Variants in XPO1 observed in about 807,000 individuals in gnomAD.
XPO1 encodes exportin-1.
XPO1 carries 5 observed loss-of-function variants against 133.3 expected under a neutral mutation model. The ratio of observed to expected loss-of-function variants is 0.04; its 90% CI spans 0.02 to 0.08. The LOEUF (loss-of-function observed/expected upper bound fraction) is 0.08. Ranked by LOEUF, XPO1 falls within the 10% of genes least tolerant of loss-of-function variation. The probability of loss-of-function intolerance (pLI) is 1.00; values close to 1 mark genes in which losing one functional copy is unlikely to be tolerated. For synonymous variants in XPO1, 419 were observed against 408.2 expected (o/e 1.03, Z -0.32); for missense variants, 506 against 1,267.5 (o/e 0.40, Z 9.12).
chr2:61,513,843 T>C (rs1379299294), intron 4 of XPO1, among the ~76,000 whole-genome samples: 2 of 152,046 alleles, frequency 1.3e-5, no homozygotes, highest in Non-Finnish European at 2.9e-5. Flanking sequence ...CTGACTAGAA[T>C]ACAAAGAGCC....
At chr2:61,500,000 A>G in intron 6 of XPO1, 106 bp from the exon 7 acceptor site, 3 of 1,138,414 alleles carry the variant, frequency 2.6e-6, no homozygotes, top group Non-Finnish European at 3.7e-6. Flanking sequence ...AGGATAAATC[A>G]CTTTTCATTT....
chr2:61,513,065 T>C (rs1375819749), intron 4 of XPO1, among the ~76,000 whole-genome samples: 1 of 152,042 alleles, frequency 6.6e-6, no homozygotes, highest in Non-Finnish European at 1.5e-5. Flanking sequence ...ATGAATCACA[T>C]GATGCTTTTT....
intron 16 of XPO1, among the ~76,000 whole-genome samples, chr2:61,491,404 T>C (rs137937845): frequency 0.011 from 1,630 of 149,628 alleles, 35 homozygotes; most frequent in African/African-American, 0.038. Flanking sequence ...TGAGCCGAGA[T>C]TGCGCCACTG....
At chr2:61,491,842 G>C (rs1697015104) in intron 16 of XPO1, among the ~76,000 whole-genome samples, 193 bp downstream of exon 16, 1 of 152,184 alleles carries the variant, frequency 6.6e-6, no homozygotes, top group South Asian at 2.1e-4. Flanking sequence ...CAAGGCTGCA[G>C]TGAGCCGTAA....
intron 5 of XPO1, 100 bp from the exon 6 acceptor site, chr2:61,502,140 C>A: frequency 6.7e-7 from 1 of 1,499,680 alleles, no homozygotes; most frequent in South Asian, 1.2e-5. Flanking sequence ...CTGTAAATGA[C>A]TGACTGTGCA....
chr2:61,515,031 TGCACTCCA>T (rs1213407096), intron 4 of XPO1, among the ~76,000 whole-genome samples: 20 of 145,946 alleles, frequency 1.4e-4, no homozygotes, highest in Non-Finnish European at 2.5e-4. Context: ...ATCATGACAC[TGCACTCCA>T]GCCTGGGCGA....
chr2:61,493,005 C>T lies in XPO1; in HGVS notation c.1294G>A (p.Val432Ile), dbSNP rs775254893. Residue 432 changes from valine to isoleucine, a missense_variant, in exon 13 of 25, where the codon GTT becomes ATT. Val to Ile is a conservative substitution (Grantham distance 29). This residue lies in a region of XPO1 where 21 missense variants were observed against 198.1 expected (regional missense o/e 0.11). Coordinates refer to ENST00000401558, the MANE Select transcript of XPO1 (RefSeq NM_003400.4). ...SRMAKPEEVL[V>I]VENDQGEVVR... is the part of the protein sequence containing the mutation. ...ACTTCTCCTTGATCATTCTCTACAA[C>T]CAATACTTCCTCTGGTTTAGCCATT... The T allele has an allele frequency of 6.2e-6, 10 of 1,611,552 alleles. No individual in the cohort carries two copies. The highest frequency in any genetic ancestry group is 1.7e-5 in the Admixed American group (1 of 59,516).
chr2:61,500,826 G>A (rs1223784940), intron 6 of XPO1, among the ~76,000 whole-genome samples: 1 of 152,074 alleles, frequency 6.6e-6, no homozygotes, highest in Non-Finnish European at 1.5e-5. Context: ...ATTATCCTAG[G>A]AGACTCAAGG....
chr2:61,505,193 T>C (rs934377769), intron 4 of XPO1, among the ~76,000 whole-genome samples: 9 of 152,048 alleles, frequency 5.9e-5, no homozygotes, highest in Non-Finnish European at 1.0e-4. Context: ...CCTGGTCTCA[T>C]TGTTGCTGGG....
intron 23 of XPO1, among the ~76,000 whole-genome samples, chr2:61,481,536 G>A (rs1018145080): frequency 4.6e-5 from 7 of 151,872 alleles, no homozygotes; most frequent in African/African-American, 1.5e-4. Context: ...GCGGCTCACC[G>A]CAACCTCTGA....
At chr2:61,512,206 G>A (rs1026282958) in intron 4 of XPO1, among the ~76,000 whole-genome samples, 1 of 152,178 alleles carries the variant, frequency 6.6e-6, no homozygotes, top group Non-Finnish European at 1.5e-5. Context: ...GATTTCTCAT[G>A]AATTTGTTTT....
chr2:61,525,514 C>T, intron 3 of XPO1: 2 of 1,010,710 alleles, frequency 2.0e-6, no homozygotes, highest in Non-Finnish European at 2.4e-6. Context: ...TTCTGTTCCT[C>T]TAATCATCTC....
chr2:61,514,464 A>G (rs955436751), intron 4 of XPO1, among the ~76,000 whole-genome samples: 1 of 151,808 alleles, frequency 6.6e-6, no homozygotes, highest in Non-Finnish European at 1.5e-5. Flanking sequence ...GTGGTGGCAC[A>G]TGCCTGTAGT....
chr2:61,531,040 C>T (rs1286639121), intron 2 of XPO1, among the ~76,000 whole-genome samples: 1 of 152,146 alleles, frequency 6.6e-6, no homozygotes, highest in Non-Finnish European at 1.5e-5. Flanking sequence ...GAGAGAGCTT[C>T]CAAGAATCAA....
chr2:61,518,747 G>A (rs1224681814), intron 4 of XPO1, among the ~76,000 whole-genome samples: 1 of 152,132 alleles, frequency 6.6e-6, no homozygotes, highest in African/African-American at 2.4e-5. Context: ...GTGTAATGTG[G>A]GGTGTGAGGG....
chr2:61,500,472 G>A (rs182960086), intron 6 of XPO1, among the ~76,000 whole-genome samples: 7 of 151,274 alleles, frequency 4.6e-5, no homozygotes, highest in East Asian at 1.9e-4. Flanking sequence ...CCAGCTGCTC[G>A]GGAGGCTGAG....
intron 6 of XPO1, among the ~76,000 whole-genome samples, chr2:61,500,138 C>G (rs767443949): frequency 6.6e-6 from 1 of 152,106 alleles, no homozygotes; most frequent in African/African-American, 2.4e-5. Flanking sequence ...AGGTCCAATC[C>G]GTCTAATGGG....
intron 4 of XPO1, among the ~76,000 whole-genome samples, chr2:61,503,078 G>A (rs1411415288): frequency 6.7e-6 from 1 of 150,144 alleles, no homozygotes; most frequent in Non-Finnish European, 1.5e-5. Flanking sequence ...TGATTCTCCT[G>A]CCTCAGGCTC....
chr2:61,529,814 A>C (rs1699075357), intron 2 of XPO1, among the ~76,000 whole-genome samples: 1 of 152,210 alleles, frequency 6.6e-6, no homozygotes, highest in Non-Finnish European at 1.5e-5. Context: ...TACACACTCA[A>C]TAACTTATAT....
Sources: allele counts gnomAD v4.1 joint callset (sites outside exome capture counted in the v4.1 genomes callset), GRCh38; gene constraint gnomAD v4.1.1; regional missense constraint gnomAD v4.1.1; transcripts MANE v1.5; gene names NCBI Gene and HGNC (gene_info 2026-07-23, HGNC 2026-07-21).